NEMF: variants seen among roughly 807,000 people sequenced by gnomAD.
The protein encoded by NEMF is ribosome quality control complex subunit NEMF.
Under a neutral mutation model 162.2 loss-of-function variants are expected in NEMF, and 89 were observed. That is an observed-to-expected ratio of 0.55 (90% CI 0.46 to 0.65). NEMF has a LOEUF of 0.65. NEMF is among the 30% of genes least tolerant of loss of function. NEMF has a pLI of 0.00. For synonymous variants in NEMF, 421 were observed against 404.5 expected (o/e 1.04, Z -0.49); for missense variants, 1,133 against 1,261.9 (o/e 0.90, Z 1.55).
Position 49,834,178 on chromosome 14 carries a change from A to C in NEMF, c.661+185T>G, listed in dbSNP as rs1892783638. On this transcript the variant is annotated intron_variant, in intron 7 of 32. Transcript: ENST00000298310. ...CAGTCACCACCCACTGCAGCCTCAA[A>C]CACCCAGGCTTAAGTGATCCTCCCA... The C allele has an allele frequency of 8.4e-6, 5 of 592,228 alleles. No individual in the cohort carries two copies. In the South Asian group the frequency reaches 9.0e-5, roughly 11 times the overall value. 36.7% of individuals were successfully genotyped at this position (592,228 alleles called of 1,614,324 possible). A position where few individuals can be genotyped will look rare whatever the true frequency, so the allele number is the denominator to read the frequency against.
At chr14:49,847,706 CT>C (rs79188374) in intron 3 of NEMF, among the ~76,000 whole-genome samples, 12 of 138,050 alleles carry the variant, frequency 8.7e-5, no homozygotes, top group African/African-American at 2.7e-4. Flanking sequence ...CCTACCAATT[CT>C]TTTTTTTTTT....
rs1293016661 is a variant in NEMF, at chr14:49,806,119, G to T, written c.1759C>A (p.Pro587Thr). The T allele has an allele frequency of 6.2e-7, 1 of 1,610,988 alleles. No homozygotes were observed. The highest frequency in any genetic ancestry group is 1.1e-5 in the South Asian group (1 of 90,928). ...GTGCCAGCTTCAGTCAAGGTCCGTG[G>T]GGGGATGGGTTCTCCTAGAATAACA... ...IKNPTGEPIP[P>T]RTLTEAGTMA... The change falls in exon 19 of 33, where the codon CCA (proline) becomes ACA (threonine). Residue 587 changes from proline to threonine, a missense_variant. Transcript: ENST00000298310.
intron 3 of NEMF, among the ~76,000 whole-genome samples, chr14:49,846,919 T>G (rs1480371160): frequency 6.6e-6 from 1 of 152,242 alleles, no homozygotes. Flanking sequence ...AGAGTCTCGC[T>G]CTGTCGCCCA....
intron 3 of NEMF, 54 bp downstream of exon 3, chr14:49,851,509 T>G: frequency 8.0e-7 from 1 of 1,246,348 alleles, no homozygotes; most frequent in Non-Finnish European, 1.2e-6. Context: ...AATTAAAAAC[T>G]TAATTGTTAG....
At chr14:49,789,036 AT>A in intron 28 of NEMF, 109 bp downstream of exon 28, 1 of 796,822 alleles carries the variant, frequency 1.3e-6, no homozygotes, top group South Asian at 1.6e-5. Context: ...TCCATTAAGA[AT>A]AGGGTTACTC....
intron 19 of NEMF, among the ~76,000 whole-genome samples, chr14:49,804,828 T>C (rs1220079131): frequency 6.6e-6 from 1 of 151,968 alleles, no homozygotes; most frequent in Admixed American, 6.6e-5. Flanking sequence ...GCCAGGAGTT[T>C]GAGACTGGCC....
In NEMF at chr14:49,814,830, G is replaced by A. The variant is rs755062431; in HGVS notation, c.1605C>T (p.Ser535=). 2.7e-5 allele frequency: 43 copies of A among 1,579,854 alleles called. No individual in the cohort carries two copies. The highest frequency in any genetic ancestry group is 3.5e-5 in the Non-Finnish European group (41 of 1,166,852). ...CACCTATAATTAGATAGTTCTCTGA[G>A]CTAATGAACCACAGAAATTTCTCAA... ...YWFEKFLWFI[S]SENYLIIGGR... The change falls in exon 17 of 33, where the codon AGC becomes AGT. Residue 535 remains serine (S), a synonymous_variant. Transcript: ENST00000298310.
intron 25 of NEMF, among the ~76,000 whole-genome samples, chr14:49,796,804 C>T (rs1464875480): frequency 6.6e-6 from 1 of 152,230 alleles, no homozygotes; most frequent in African/African-American, 2.4e-5. Flanking sequence ...ATTTAATACA[C>T]AAACTTTCTC....
chr14:49,833,336 G>A, intron 8 of NEMF, 87 bp downstream of exon 8: 1 of 707,450 alleles, frequency 1.4e-6, no homozygotes, highest in South Asian at 2.6e-5. Context: ...AAAATAAAAT[G>A]TATATATAAT....
chr14:49,792,617 C>T (rs569842679), intron 26 of NEMF, among the ~76,000 whole-genome samples: 10 of 152,256 alleles, frequency 6.6e-5, no homozygotes, highest in Admixed American at 2.0e-4. Flanking sequence ...CAGGCAGAGA[C>T]GGTATGAGAA....
At chr14:49,852,439 G>GC (rs1566719019) in intron 1 of NEMF, among the ~76,000 whole-genome samples, 1 of 152,242 alleles carries the variant, frequency 6.6e-6, no homozygotes, top group Non-Finnish European at 1.5e-5. Context: ...GGCCAACAAT[G>GC]CAAGAGCTTC....
chr14:49,815,302 A>G (rs1269936214), intron 16 of NEMF, among the ~76,000 whole-genome samples: 2 of 152,196 alleles, frequency 1.3e-5, no homozygotes, highest in Non-Finnish European at 2.9e-5. Context: ...ATTTTTTTAA[A>G]TACAAAAGAC....
Position 49,822,214 on chromosome 14 carries a change from T to C in NEMF, c.1577+3653A>G, listed in dbSNP as rs563927553. 3.8e-3 allele frequency among the ~76,000 whole-genome samples: 572 copies of C among 152,104 alleles called. 3 individuals carry two copies. Among genetic ancestry groups the C allele is most frequent in the Admixed American group, 6.6e-3 (101 of 15,260 alleles). On this transcript the variant is annotated intron_variant, in intron 16 of 32. Coordinates refer to ENST00000298310, the MANE Select transcript of NEMF (RefSeq NM_004713.6). Reference sequence around the variant, plus strand: ...GACCTTTGTTCACTTGTTTGCCTGCTGACCTTCCCTCCGCTGTTGTCCTAT... The same window carrying C: ...GACCTTTGTTCACTTGTTTGCCTGCCGACCTTCCCTCCGCTGTTGTCCTAT...
In NEMF at chr14:49,785,340, G is replaced by A. The variant is rs1421505279; in HGVS notation, c.2929-20C>T. The stretch of plus-strand genomic sequence containing the variant: ...GTTTTCCTAAAAAGGGAAAATAACA[G>A]TTACAAAGGCAATTTATACCGCCCT... On this transcript the variant is annotated intron_variant, in intron 29 of 32. Transcript: ENST00000298310. 1 of 1,558,356 alleles carries A rather than the reference G, an allele frequency of 6.4e-7. No individual in the cohort carries two copies. Among genetic ancestry groups the A allele is most frequent in the Non-Finnish European group, 8.9e-7 (1 of 1,129,650 alleles).
Position 49,802,569 on chromosome 14 carries a change from T to A in NEMF, c.1979A>T (p.Asp660Val). 1 of 1,613,804 alleles carries A rather than the reference T, an allele frequency of 6.2e-7. No individual in the cohort carries two copies. Residue 660 changes from aspartate to valine, a missense_variant, in exon 22 of 33, where the codon GAT becomes GTT. This residue lies in a region of NEMF where 532 missense variants were observed against 578.6 expected (regional missense o/e 0.92). Coordinates refer to ENST00000298310, the MANE Select transcript of NEMF (RefSeq NM_004713.6). ...MMGFSFLFKV[D>V]ESCVWRHQGE... ...CTGATGTCTCCAAACACAAGACTCA[T>A]CTACCTAAAGAAACAGTTATTTTTC...
At chr14:49,799,235 G>GAAAAAAAAAAAAAAAA (rs1402728880) in intron 25 of NEMF, among the ~76,000 whole-genome samples, 1 of 54,972 alleles carries the variant, frequency 1.8e-5, no homozygotes. Context: ...AAAAAAAAAG[G>GAAAAAAAAAAAAAAAA]AAAATGTTAA....
intron 27 of NEMF, 24 bp from the exon 28 acceptor site, chr14:49,789,367 A>C (rs1461828210): frequency 1.2e-6 from 2 of 1,612,894 alleles, no homozygotes; most frequent in Non-Finnish European, 1.7e-6. Flanking sequence ...AGGAAACATC[A>C]GTCAGTGTTG....
Position 49,789,152 on chromosome 14 carries a change from A to G in NEMF, c.2889T>C (p.Asp963=). Residue 963 remains aspartate (D), a synonymous_variant, in exon 28 of 33, where the codon GAT becomes GAC. Transcript: ENST00000298310. ...LQDFAVDDPH[D]DKEEQDLDQQ... ...GCCCACAAAGTAGCCATACCTTGTC[A>G]TCATGTGGATCATCTACAGCAAAGT... 1.2e-6 allele frequency: 2 copies of G among 1,613,456 alleles called. No homozygotes were observed. Among genetic ancestry groups the G allele is most frequent in the Non-Finnish European group, 8.5e-7 (1 of 1,179,628 alleles).
At chr14:49,786,188 T>C (rs1257056519) in intron 29 of NEMF, 1 of 153,314 alleles carries the variant, frequency 6.5e-6, no homozygotes, top group African/African-American at 2.4e-5. Context: ...CATTTTATAA[T>C]GAATGGGACA....
Sources: allele counts gnomAD v4.1 joint callset (sites outside exome capture counted in the v4.1 genomes callset), GRCh38; gene constraint gnomAD v4.1.1; regional missense constraint gnomAD v4.1.1; transcripts MANE v1.5; gene names NCBI Gene and HGNC (gene_info 2026-07-23, HGNC 2026-07-21).